Variants in UGT1A10 observed in about 807,000 individuals in gnomAD.
The protein encoded by UGT1A10 is UDP glucuronosyltransferase family 1 member A10.
A neutral mutation model predicts 45.8 loss-of-function variants in UGT1A10; 49 were observed. That is an observed-to-expected ratio of 1.07 (90% confidence interval 0.85 to 1.36). The LOEUF is 1.36. Ranked by LOEUF, UGT1A10 falls within the 40% of genes most tolerant of loss-of-function variation. UGT1A10 has a pLI of 0.00. For missense variants in UGT1A10, 745 were observed against 668.6 expected, an observed-to-expected ratio of 1.11 and a Z score of -1.26; for synonymous variants, 284 against 249.7, an observed-to-expected ratio of 1.14 and a Z score of -1.29.
intron 1 of UGT1A10, chr2:233,729,486 G>C: frequency 6.2e-7 from 1 of 1,614,202 alleles, no homozygotes; most frequent in Non-Finnish European, 8.5e-7. Context: ...TGAACAATAT[G>C]TCTTTGGTCT....
At chr2:233,745,298 A>G (rs1339213768) in intron 1 of UGT1A10, among the ~76,000 whole-genome samples, 1 of 151,884 alleles carries the variant, frequency 6.6e-6, no homozygotes, top group East Asian at 1.9e-4. Flanking sequence ...TAAACGTGGG[A>G]TGCAGTGATT....
At chr2:233,684,325 G>A (rs2074674405) in intron 1 of UGT1A10, among the ~76,000 whole-genome samples, 1 of 152,152 alleles carries the variant, frequency 6.6e-6, no homozygotes, top group Admixed American at 6.5e-5. Context: ...CAAGTTGTAG[G>A]ACGCTAAGAG....
chr2:233,722,529 T>C lies in UGT1A10; in HGVS notation c.856-44505T>C, dbSNP rs1318549990. ...TAATTGCAGCTTATTTTTGCCTTAA[T>C]GATTTCATCCTAGTTTCTTTTGGTT... On this transcript the variant is annotated intron_variant, in intron 1 of 4. Transcript: ENST00000344644. 2.0e-5 allele frequency among the ~76,000 whole-genome samples: 3 copies of C among 152,366 alleles called. No individual in the cohort carries two copies. In the East Asian group the frequency reaches 5.8e-4, roughly 29 times the overall value.
At chr2:233,747,990 G>C in intron 1 of UGT1A10, 1 of 1,613,472 alleles carries the variant, frequency 6.2e-7, no homozygotes, top group Non-Finnish European at 8.5e-7. Flanking sequence ...GTTCCGAGGG[G>C]ACTTTGTGAT....
At chr2:233,659,572 G>A (rs1437339149) in intron 1 of UGT1A10, among the ~76,000 whole-genome samples, 1 of 152,190 alleles carries the variant, frequency 6.6e-6, no homozygotes, top group African/African-American at 2.4e-5. Context: ...TGAGGAGGAA[G>A]AGGAGGGGTT....
At chr2:233,680,803 G>A (rs1386884199) in intron 1 of UGT1A10, among the ~76,000 whole-genome samples, 1 of 152,140 alleles carries the variant, frequency 6.6e-6, no homozygotes, top group East Asian at 1.9e-4. Flanking sequence ...CATAGCAAAG[G>A]CCTGCAGCTC....
chr2:233,690,168 G>A (rs967401019), intron 1 of UGT1A10, among the ~76,000 whole-genome samples: 1 of 152,284 alleles, frequency 6.6e-6, no homozygotes, highest in Admixed American at 6.5e-5. Context: ...ATGTAGTTAT[G>A]TTTTTATAGC....
At chr2:233,642,932 C>T (rs1419492445) in intron 1 of UGT1A10, among the ~76,000 whole-genome samples, 1 of 152,204 alleles carries the variant, frequency 6.6e-6, no homozygotes, top group Admixed American at 6.5e-5. Context: ...TGAGCCACCT[C>T]AAGCTGGGGG....
At chr2:233,696,505 A>C (rs2075346896) in intron 1 of UGT1A10, among the ~76,000 whole-genome samples, 1 of 152,168 alleles carries the variant, frequency 6.6e-6, no homozygotes, top group South Asian at 2.1e-4. Context: ...TTTGCTTGTC[A>C]GTTCTAACAG....
intron 1 of UGT1A10, among the ~76,000 whole-genome samples, chr2:233,646,809 A>G (rs550081244): frequency 1.3e-5 from 2 of 151,956 alleles, no homozygotes; most frequent in South Asian, 4.2e-4. Flanking sequence ...AGCCCTCCAA[A>G]CTTTGCCAAC....
At chr2:233,763,395 T>C (rs1347086472) in intron 1 of UGT1A10, among the ~76,000 whole-genome samples, 2 of 152,256 alleles carry the variant, frequency 1.3e-5, no homozygotes, top group African/African-American at 2.4e-5. Context: ...TTAAACAACA[T>C]GGCACTGGTA....
chr2:233,700,852 C>T (rs1159927866), intron 1 of UGT1A10, among the ~76,000 whole-genome samples: 1 of 152,028 alleles, frequency 6.6e-6, no homozygotes, highest in Non-Finnish European at 1.5e-5. Flanking sequence ...AGGTATATCT[C>T]CTAATGCTAT....
chr2:233,763,021 T>C (rs1698218577), intron 1 of UGT1A10, among the ~76,000 whole-genome samples: 1 of 152,256 alleles, frequency 6.6e-6, no homozygotes, highest in Non-Finnish European at 1.5e-5. Context: ...TTGCATTATG[T>C]TAGCCATTGT....
chr2:233,639,352 C>CA (rs1459756196), intron 1 of UGT1A10, among the ~76,000 whole-genome samples: 1 of 152,126 alleles, frequency 6.6e-6, no homozygotes, highest in Non-Finnish European at 1.5e-5. Flanking sequence ...CAGAGGAATT[C>CA]GATCTCAAAG....
At chr2:233,714,240 G>A (rs974557755) in intron 1 of UGT1A10, among the ~76,000 whole-genome samples, 4 of 152,188 alleles carry the variant, frequency 2.6e-5, no homozygotes, top group Non-Finnish European at 4.4e-5. Flanking sequence ...TCAGTAGAAA[G>A]GAGGAAGGAA....
chr2:233,713,582 A>G (rs2076331965), intron 1 of UGT1A10: 26 of 1,613,952 alleles, frequency 1.6e-5, no homozygotes, highest in Non-Finnish European at 2.2e-5. Context: ...TTCCTAGATT[A>G]CTAACGACCA....
chr2:233,671,167 T>C (rs562234182), intron 1 of UGT1A10, among the ~76,000 whole-genome samples: 135 of 152,164 alleles, frequency 8.9e-4, no homozygotes, highest in Non-Finnish European at 1.7e-3. Flanking sequence ...ACTGGAGTGA[T>C]GGCGTGTTTA....
intron 1 of UGT1A10, among the ~76,000 whole-genome samples, chr2:233,710,713 A>AT: frequency 6.6e-6 from 1 of 152,088 alleles, no homozygotes; most frequent in Non-Finnish European, 1.5e-5. Context: ...CCTTTGTTTC[A>AT]TTTTTTAAAA....
intron 1 of UGT1A10, among the ~76,000 whole-genome samples, chr2:233,660,822 C>T (rs1336759249): frequency 1.3e-5 from 2 of 152,092 alleles, no homozygotes; most frequent in African/African-American, 4.8e-5. Flanking sequence ...CAATGCTTCT[C>T]TTCATGGGGT....
Sources: gnomAD v4.1 joint callset for allele counts (sites outside exome capture counted in the v4.1 genomes callset) on GRCh38, gnomAD v4.1.1 for gene constraint, MANE v1.5 for transcripts, NCBI Gene and HGNC (gene_info 2026-07-23, HGNC 2026-07-21) for gene names.